Variants in CCSER1 observed in about 807,000 individuals in gnomAD.
CCSER1 encodes coiled-coil serine rich protein 1.
In CCSER1, 41 loss-of-function variants were observed where a neutral mutation model predicts 82.0. The observed-to-expected ratio is 0.50, with a 90% CI of 0.39 to 0.65. The LOEUF is 0.65. Among genes scored for constraint, CCSER1 ranks in the 30% least tolerant of loss-of-function variants. The probability of loss-of-function intolerance (pLI) is 0.00; values close to 1 mark genes in which losing one functional copy is unlikely to be tolerated. For synonymous variants in CCSER1, 414 were observed against 383.9 expected (o/e 1.08, Z -0.92); for missense variants, 1,119 against 1,064.2 (o/e 1.05, Z -0.72).
intron 4 of CCSER1, among the ~76,000 whole-genome samples, chr4:90,422,281 C>T (rs965018391): frequency 2.0e-5 from 3 of 152,144 alleles, no homozygotes; most frequent in Non-Finnish European, 4.4e-5. Flanking sequence ...GTGCTCAATT[C>T]AACAACGGAA....
chr4:90,985,062 G>T (rs1204504790), intron 9 of CCSER1, among the ~76,000 whole-genome samples: 1 of 151,724 alleles, frequency 6.6e-6, no homozygotes, highest in East Asian at 1.9e-4. Context: ...GGAGGGAATG[G>T]AGGAGGTAGC....
At chr4:90,324,452 G>T (rs1207219305) in intron 3 of CCSER1, among the ~76,000 whole-genome samples, 3 of 146,348 alleles carry the variant, frequency 2.0e-5, no homozygotes, top group African/African-American at 5.1e-5. Context: ...GTGTTTTTTG[G>T]CTGCATAAAT....
chr4:90,978,685 C>T (rs995910040), intron 9 of CCSER1, among the ~76,000 whole-genome samples: 61 of 151,562 alleles, frequency 4.0e-4, no homozygotes, highest in African/African-American at 9.7e-4. Context: ...ATCTGTAGAC[C>T]GTAATTCAAT....
intron 7 of CCSER1, among the ~76,000 whole-genome samples, chr4:90,748,157 G>A (rs2149470325): frequency 7.0e-6 from 1 of 143,154 alleles, no homozygotes; most frequent in South Asian, 2.4e-4. Flanking sequence ...TCTAGCATTA[G>A]GTATATCTCC....
Position 91,351,764 on chromosome 4 carries a change from GA to G in CCSER1, c.2218-246807del, listed in dbSNP as rs1223030818. 2.0e-5 allele frequency among the ~76,000 whole-genome samples: 3 copies of G among 151,576 alleles called. No homozygotes were observed. The South Asian group carries it at 6.2e-4, about 31-fold the overall frequency. ...ATTTTTACATTAATGTAAATGTTAT[GA>G]TTTTTTTTTAATTAAAGAATGTCTT... On this transcript the variant is annotated intron_variant, in intron 10 of 10. Transcript: ENST00000509176.
At chr4:91,403,044 ATTTG>A (rs1356168171) in intron 10 of CCSER1, among the ~76,000 whole-genome samples, 4 of 152,098 alleles carry the variant, frequency 2.6e-5, no homozygotes, top group African/African-American at 9.7e-5. Flanking sequence ...CTGTTCTTCC[ATTTG>A]TTTGTGTCTT....
intron 8 of CCSER1, among the ~76,000 whole-genome samples, chr4:90,870,511 C>A (rs1191482168): frequency 6.6e-6 from 1 of 151,724 alleles, no homozygotes; most frequent in Non-Finnish European, 1.5e-5. Context: ...ATTTGATGAA[C>A]CATTTTTGCA....
chr4:91,522,972 C>T (rs148380045), intron 10 of CCSER1, among the ~76,000 whole-genome samples: 21,777 of 152,064 alleles, frequency 0.14, 1,793 homozygotes, highest in South Asian at 0.24. Context: ...GGGAATGCTT[C>T]CAGTTTTTGC....
At chr4:90,861,927 T>TC (rs796104595) in intron 8 of CCSER1, among the ~76,000 whole-genome samples, 2 of 74,434 alleles carry the variant, frequency 2.7e-5, no homozygotes, top group African/African-American at 7.4e-5. Context: ...TATATATATA[T>TC]TTTTTTTTTC....
chr4:90,748,282 C>T (rs1375998752), intron 7 of CCSER1, among the ~76,000 whole-genome samples: 17 of 147,042 alleles, frequency 1.2e-4, no homozygotes, highest in Admixed American at 2.1e-4. Flanking sequence ...TGAGAATATG[C>T]GGTGTTGGGT....
chr4:91,558,166 T>C (rs1030163294), intron 10 of CCSER1, among the ~76,000 whole-genome samples: 1 of 151,414 alleles, frequency 6.6e-6, no homozygotes, highest in Non-Finnish European at 1.5e-5. Context: ...AGTTTTTTCT[T>C]GTATTTGATT....
intron 10 of CCSER1, among the ~76,000 whole-genome samples, chr4:91,444,898 C>A (rs113672400): frequency 4.2e-4 from 64 of 152,310 alleles, no homozygotes; most frequent in African/African-American, 1.4e-3. Context: ...AATTCAGTGG[C>A]CTTCCTCACA....
In CCSER1 at chr4:90,210,073, G is replaced by A. The variant is rs563374748; in HGVS notation, c.-42+82242G>A. Among the ~76,000 whole-genome samples, 8 of 152,120 alleles carry A rather than the reference G, an allele frequency of 5.3e-5. No homozygotes were observed. The South Asian group carries it at 1.7e-3, about 32-fold the overall frequency. ...ACTTCCTGCATAATACTAACTGGAG[G>A]AATCTCTTTTTCCCTTCCATGCTCT... On this transcript the variant is annotated intron_variant, in intron 1 of 10. Transcript: ENST00000509176.
At chr4:90,208,054 A>T (rs928467028) in intron 1 of CCSER1, among the ~76,000 whole-genome samples, 31 of 152,204 alleles carry the variant, frequency 2.0e-4, no homozygotes, top group African/African-American at 6.8e-4. Flanking sequence ...CTCTCTTCAG[A>T]GGCTGCAGGC....
intron 9 of CCSER1, among the ~76,000 whole-genome samples, chr4:90,971,764 C>CA (rs1393957632): frequency 1.6e-4 from 24 of 151,682 alleles, no homozygotes. Context: ...AAGTCCTTTC[C>CA]AAAATAACAG....
chr4:90,213,674 G>A (rs1425690680), intron 1 of CCSER1, among the ~76,000 whole-genome samples: 1 of 152,124 alleles, frequency 6.6e-6, no homozygotes, highest in Non-Finnish European at 1.5e-5. Flanking sequence ...AGGAAAACCA[G>A]GAGAGTTTGT....
chr4:90,669,190 TATA>T (rs979298497), intron 6 of CCSER1, among the ~76,000 whole-genome samples: 1 of 152,034 alleles, frequency 6.6e-6, no homozygotes, highest in African/African-American at 2.4e-5. Flanking sequence ...TGACTAAAGG[TATA>T]ATGAGTGGTC....
At chr4:90,806,395 T>C (rs534403720) in intron 7 of CCSER1, among the ~76,000 whole-genome samples, 99 of 152,340 alleles carry the variant, frequency 6.5e-4, no homozygotes, top group African/African-American at 2.3e-3. Flanking sequence ...ACTGAGTTTC[T>C]TTGCAGTTCC....
At chr4:91,139,855 T>G (rs1038989263) in intron 10 of CCSER1, among the ~76,000 whole-genome samples, 9 of 152,166 alleles carry the variant, frequency 5.9e-5, no homozygotes, top group Admixed American at 3.3e-4. Flanking sequence ...GCCAAGTACT[T>G]TTTTTCAGCC....
Sources: gnomAD v4.1 joint callset for allele counts (sites outside exome capture counted in the v4.1 genomes callset) on GRCh38, gnomAD v4.1.1 for gene constraint, MANE v1.5 for transcripts, NCBI Gene and HGNC (gene_info 2026-07-23, HGNC 2026-07-21) for gene names.